Variants in TSPAN5 observed in about 807,000 individuals in gnomAD.
The protein encoded by TSPAN5 is tetraspanin-5.
Under a neutral mutation model 37.1 loss-of-function variants are expected in TSPAN5, and 10 were observed. The observed-to-expected ratio is 0.27, with a 90% CI of 0.17 to 0.46. The LOEUF is 0.46. Among genes scored for constraint, TSPAN5 ranks in the 20% least tolerant of loss-of-function variants. The probability of loss-of-function intolerance (pLI) is 1.00; values close to 1 mark genes in which losing one functional copy is unlikely to be tolerated. For synonymous variants in TSPAN5, 110 were observed against 118.9 expected, an observed-to-expected ratio of 0.93 and a Z score of 0.48; for missense variants, 195 against 326.6, an observed-to-expected ratio of 0.60 and a Z score of 3.11.
chr4:98,648,735 G>A (rs887299754), intron 1 of TSPAN5, among the ~76,000 whole-genome samples: 2 of 152,100 alleles, frequency 1.3e-5, no homozygotes, highest in African/African-American at 4.8e-5. Context: ...CACCACCCAC[G>A]CCCAGCTCTC....
chr4:98,627,316 T>C (rs1476655084), intron 1 of TSPAN5, among the ~76,000 whole-genome samples: 1 of 152,128 alleles, frequency 6.6e-6, no homozygotes, highest in Non-Finnish European at 1.5e-5. Context: ...CTGGGATAAC[T>C]GGAGAAAACT....
intron 1 of TSPAN5, among the ~76,000 whole-genome samples, chr4:98,643,011 A>C (rs1285194787): frequency 6.6e-6 from 1 of 152,186 alleles, no homozygotes; most frequent in African/African-American, 2.4e-5. Context: ...GTATAGTGTT[A>C]ATGTAGTCTG....
chr4:98,479,701 G>C (rs1213692502), intron 4 of TSPAN5, among the ~76,000 whole-genome samples: 1 of 152,180 alleles, frequency 6.6e-6, no homozygotes, highest in Non-Finnish European at 1.5e-5. Flanking sequence ...AACTGGTTGT[G>C]TAGCTTCACG....
intron 1 of TSPAN5, among the ~76,000 whole-genome samples, chr4:98,531,484 G>C (rs1332824167): frequency 6.6e-6 from 1 of 152,160 alleles, no homozygotes; most frequent in African/African-American, 2.4e-5. Flanking sequence ...GGACATTTGG[G>C]TTGGTTCCAA....
At chr4:98,489,955 G>T (rs1242760675) in intron 2 of TSPAN5, among the ~76,000 whole-genome samples, 1 of 152,192 alleles carries the variant, frequency 6.6e-6, no homozygotes, top group African/African-American at 2.4e-5. Context: ...AAAGAAGGCT[G>T]CCCTGAGAAA....
intron 1 of TSPAN5, among the ~76,000 whole-genome samples, chr4:98,512,941 T>C (rs1753642358): frequency 3.9e-5 from 6 of 152,268 alleles, no homozygotes; most frequent in Admixed American, 3.9e-4. Flanking sequence ...CTAATGGTGC[T>C]ACAAAGGAGA....
At chr4:98,609,345 C>G (rs1756125075) in intron 1 of TSPAN5, among the ~76,000 whole-genome samples, 2 of 152,126 alleles carry the variant, frequency 1.3e-5, no homozygotes, top group Non-Finnish European at 2.9e-5. Context: ...TGGGGCGCAC[C>G]CAACCCCGAC....
At chr4:98,535,997 C>T (rs192851252) in intron 1 of TSPAN5, among the ~76,000 whole-genome samples, 398 of 152,098 alleles carry the variant, frequency 2.6e-3, no homozygotes, top group Middle Eastern at 6.8e-3. Context: ...TAGCTCAAGT[C>T]TGTTATTACC....
intron 1 of TSPAN5, among the ~76,000 whole-genome samples, chr4:98,609,775 C>T (rs1756136469): frequency 6.6e-6 from 1 of 152,142 alleles, no homozygotes; most frequent in African/African-American, 2.4e-5. Context: ...CCTAGGGAGG[C>T]AAGAAGACCC....
chr4:98,589,778 G>A (rs1019794665), intron 1 of TSPAN5, among the ~76,000 whole-genome samples: 10 of 152,132 alleles, frequency 6.6e-5, no homozygotes, highest in Non-Finnish European at 1.5e-4. Flanking sequence ...TGACCAACGC[G>A]TAAAATGTTG....
At chr4:98,585,822 T>C (rs543890974) in intron 1 of TSPAN5, among the ~76,000 whole-genome samples, 7 of 152,322 alleles carry the variant, frequency 4.6e-5, no homozygotes, top group African/African-American at 1.7e-4. Context: ...TTATTTCACC[T>C]CTCTGGGTGC....
intron 1 of TSPAN5, among the ~76,000 whole-genome samples, chr4:98,533,988 TTG>T (rs1305371340): frequency 7.4e-6 from 1 of 135,058 alleles, no homozygotes; most frequent in African/African-American, 2.7e-5. Context: ...ATTGATTTTT[TTG>T]AAGAGTTTTT....
At chr4:98,627,060 AG>A (rs1411950780) in intron 1 of TSPAN5, among the ~76,000 whole-genome samples, 1 of 152,136 alleles carries the variant, frequency 6.6e-6, no homozygotes, top group Non-Finnish European at 1.5e-5. Flanking sequence ...AGCTTGGGGT[AG>A]GGGGCAGAGC....
At chr4:98,520,557 A>T (rs925439545) in intron 1 of TSPAN5, among the ~76,000 whole-genome samples, 2 of 152,192 alleles carry the variant, frequency 1.3e-5, no homozygotes, top group Non-Finnish European at 1.5e-5. Flanking sequence ...TCAGACGGGG[A>T]GTCAGGAGCC....
chr4:98,521,391 T>C (rs1301749681), intron 1 of TSPAN5, among the ~76,000 whole-genome samples: 1 of 152,194 alleles, frequency 6.6e-6, no homozygotes, highest in African/African-American at 2.4e-5. Flanking sequence ...GTTCCTCTCC[T>C]AGAATACAAC....
At chr4:98,491,203 A>G (rs1753078580) in intron 2 of TSPAN5, among the ~76,000 whole-genome samples, 1 of 152,222 alleles carries the variant, frequency 6.6e-6, no homozygotes, top group Non-Finnish European at 1.5e-5. Flanking sequence ...AACACTTTAC[A>G]TCCACTCGGC....
intron 1 of TSPAN5, among the ~76,000 whole-genome samples, chr4:98,648,139 CT>C (rs1449928619): frequency 6.6e-6 from 1 of 152,164 alleles, no homozygotes; most frequent in African/African-American, 2.4e-5. Flanking sequence ...TGTCAACTGT[CT>C]TTGTGACAGT....
chr4:98,591,026 T>C (rs1445606311), intron 1 of TSPAN5, among the ~76,000 whole-genome samples: 11 of 151,736 alleles, frequency 7.2e-5, no homozygotes, highest in African/African-American at 1.9e-4. Flanking sequence ...CATAGCCCAA[T>C]AGAAATGAGC....
chr4:98,562,661 A>AAAAACAAAACAAAAC (rs371373013), intron 1 of TSPAN5, among the ~76,000 whole-genome samples: 2 of 151,016 alleles, frequency 1.3e-5, no homozygotes, highest in East Asian at 1.9e-4. Flanking sequence ...CTCTGTCTCA[A>AAAAACAAAACAAAAC]AAAACAAAAC....
Sources: allele counts gnomAD v4.1 joint callset (sites outside exome capture counted in the v4.1 genomes callset), GRCh38; gene constraint gnomAD v4.1.1; transcripts MANE v1.5; gene names NCBI Gene and HGNC (gene_info 2026-07-23, HGNC 2026-07-21).